ZBTB20: variants seen among roughly 807,000 people sequenced by gnomAD.
ZBTB20 encodes zinc finger and BTB domain containing 20, also known as zinc finger and BTB domain-containing protein 20.
In ZBTB20, 9 loss-of-function variants were observed where a neutral mutation model predicts 56.9. The observed-to-expected ratio is 0.16, with a 90% confidence interval of 0.10 to 0.28. The LOEUF (loss-of-function observed/expected upper bound fraction) is 0.28, where lower values mean the gene tolerates loss of function less well. Ranked by LOEUF, ZBTB20 falls within the 10% of genes least tolerant of loss-of-function variation. ZBTB20 has a pLI of 1.00. For synonymous variants in ZBTB20, 417 were observed against 420.7 expected, an observed-to-expected ratio of 0.99 and a Z score of 0.11; for missense variants, 655 against 1,003.0, an observed-to-expected ratio of 0.65 and a Z score of 4.69.
intron 6 of ZBTB20, among the ~76,000 whole-genome samples, chr3:114,611,430 A>C (rs1014983313): frequency 6.6e-6 from 1 of 152,150 alleles, no homozygotes; most frequent in Admixed American, 6.5e-5. Context: ...GTCAAACATC[A>C]AGAGTAATTT....
chr3:114,681,319 C>T (rs1231230199), intron 6 of ZBTB20, among the ~76,000 whole-genome samples: 1 of 152,132 alleles, frequency 6.6e-6, no homozygotes, highest in Non-Finnish European at 1.5e-5. Context: ...TGCCACCACG[C>T]CCGGTTAATT....
At position 114,717,725 on chromosome 3, in the gene ZBTB20, A is replaced by G. The variant is rs2064589778; in HGVS notation, c.-342-24150T>C. Among the ~76,000 whole-genome samples the G allele has an allele frequency of 2.0e-5, 3 of 152,020 alleles. No individual in the cohort carries two copies. The South Asian group carries it at 6.2e-4, about 32-fold the overall frequency. Reference sequence around the variant, plus strand: ...AGTTATTACCGTATCTTCACTTTCTATTCTTTTCTTAATCTATTCCAATCA... The same window carrying G: ...AGTTATTACCGTATCTTCACTTTCTGTTCTTTTCTTAATCTATTCCAATCA... On this transcript the variant is annotated intron_variant, in intron 5 of 11. Transcript: ENST00000675478.
At chr3:114,852,795 T>A (rs534984936) in intron 4 of ZBTB20, among the ~76,000 whole-genome samples, 37 of 152,316 alleles carry the variant, frequency 2.4e-4, no homozygotes, top group Admixed American at 5.2e-4. Flanking sequence ...GTTAATTCTA[T>A]CAGCTGTTTG....
chr3:114,338,646 T>G lies in ZBTB20; in HGVS notation c.*359A>C, dbSNP rs541680396. 5.5e-4 allele frequency: 94 copies of G among 171,062 alleles called. No individual in the cohort carries two copies. The highest frequency in any genetic ancestry group is 1.9e-3 in the African/African-American group (82 of 42,266). 10.6% of individuals were successfully genotyped at this position (171,062 alleles called of 1,614,324 possible). Reference sequence around the variant, plus strand: ...TATTTTTTGTAGTGCTCTTCACAAGTGGAAATTTTTTTTTTTTTTTTACTT... The same window carrying G: ...TATTTTTTGTAGTGCTCTTCACAAGGGGAAATTTTTTTTTTTTTTTTACTT... On this transcript the variant is annotated 3_prime_UTR_variant, in exon 12 of 12. Coordinates refer to ENST00000675478, the MANE Select transcript of ZBTB20 (RefSeq NM_001348800.3).
chr3:114,718,062 T>C (rs1560165368), intron 5 of ZBTB20, among the ~76,000 whole-genome samples: 1 of 152,142 alleles, frequency 6.6e-6, no homozygotes, highest in African/African-American at 2.4e-5. Context: ...GGTCTGATTT[T>C]ATGACTTTGA....
intron 7 of ZBTB20, among the ~76,000 whole-genome samples, chr3:114,463,451 T>C (rs2092414606): frequency 6.6e-6 from 1 of 152,194 alleles, no homozygotes; most frequent in African/African-American, 2.4e-5. Context: ...TCTATTTTGA[T>C]CATGATTAGT....
At chr3:114,449,703 G>C (rs889981646) in intron 7 of ZBTB20, among the ~76,000 whole-genome samples, 2 of 120,654 alleles carry the variant, frequency 1.7e-5, no homozygotes, top group Admixed American at 7.9e-5. Context: ...AAAAAAAAAA[G>C]GTTGCACAAA....
At chr3:114,858,475 C>T (rs1212720166) in intron 4 of ZBTB20, among the ~76,000 whole-genome samples, 1 of 151,950 alleles carries the variant, frequency 6.6e-6, no homozygotes, top group Non-Finnish European at 1.5e-5. Flanking sequence ...TTTCTCTTTA[C>T]ATAGTGCAAT....
chr3:114,438,436 C>CAAAAAAAAACAA (rs2090681751), intron 7 of ZBTB20, among the ~76,000 whole-genome samples: 2 of 140,734 alleles, frequency 1.4e-5, no homozygotes, highest in Non-Finnish European at 3.1e-5. Flanking sequence ...CAAAAAAAAC[C>CAAAAAAAAACAA]AAAAAAAAAC....
At chr3:114,705,389 C>T (rs952369037) in intron 5 of ZBTB20, among the ~76,000 whole-genome samples, 1 of 152,146 alleles carries the variant, frequency 6.6e-6, no homozygotes, top group Non-Finnish European at 1.5e-5. Context: ...CCCAAAATTA[C>T]TCCAATGATA....
At chr3:114,534,357 G>T (rs1025427195) in intron 6 of ZBTB20, among the ~76,000 whole-genome samples, 2 of 152,120 alleles carry the variant, frequency 1.3e-5, no homozygotes, top group South Asian at 2.1e-4. Context: ...TGATAAAACA[G>T]ATTTTAAACC....
intron 1 of ZBTB20, among the ~76,000 whole-genome samples, chr3:115,145,412 C>A (rs2084933839): frequency 1.3e-5 from 2 of 152,196 alleles, no homozygotes; most frequent in Admixed American, 6.5e-5. Context: ...ATGCTCAAGT[C>A]CCTTACATAA....
intron 5 of ZBTB20, among the ~76,000 whole-genome samples, chr3:114,769,796 G>A (rs1280299793): frequency 6.6e-6 from 1 of 151,896 alleles, no homozygotes; most frequent in Admixed American, 6.6e-5. Flanking sequence ...TGGTGGCTCA[G>A]ACCTGTAATC....
chr3:114,754,178 T>C (rs1284982377), intron 5 of ZBTB20, among the ~76,000 whole-genome samples: 1 of 152,182 alleles, frequency 6.6e-6, no homozygotes, highest in Non-Finnish European at 1.5e-5. Context: ...GGGAGGCCAC[T>C]GCCATTTAGG....
At chr3:114,803,777 CTGTT>C (rs745684658) in intron 4 of ZBTB20, among the ~76,000 whole-genome samples, 3 of 41,532 alleles carry the variant, frequency 7.2e-5, no homozygotes, top group South Asian at 3.0e-3. Flanking sequence ...TTTCAACTTT[CTGTT>C]TTTTTTTTTT....
intron 10 of ZBTB20, among the ~76,000 whole-genome samples, chr3:114,356,736 ACCCCCTG>A (rs1490689983): frequency 1.3e-5 from 2 of 152,008 alleles, no homozygotes; most frequent in African/African-American, 4.8e-5. Context: ...TATTCTCCAA[ACCCCCTG>A]CCTGGGGTAA....
intron 7 of ZBTB20, among the ~76,000 whole-genome samples, chr3:114,467,010 GA>G (rs2092581804): frequency 6.6e-6 from 1 of 152,168 alleles, no homozygotes; most frequent in Non-Finnish European, 1.5e-5. Flanking sequence ...TGGAATGTGG[GA>G]AAATTCCAAC....
At chr3:114,630,767 A>G (rs1158088935) in intron 6 of ZBTB20, among the ~76,000 whole-genome samples, 1 of 152,218 alleles carries the variant, frequency 6.6e-6, no homozygotes, top group Non-Finnish European at 1.5e-5. Context: ...AAAAATATTT[A>G]AAGAATCCAG....
chr3:114,969,453 G>A lies in ZBTB20; in HGVS notation c.-456+4913C>T, dbSNP rs2077781766. On this transcript the variant is annotated intron_variant, in intron 3 of 11. Transcript: ENST00000675478. ...TACAATAAAATAAATTAAAACAGAT[G>A]AAAAATGAAAGGGATACAAAATATA... 5.3e-5 allele frequency among the ~76,000 whole-genome samples: 8 copies of A among 152,156 alleles called. No individual in the cohort carries two copies. The South Asian group carries it at 1.5e-3, about 28-fold the overall frequency.
Sources: allele counts gnomAD v4.1 joint callset (sites outside exome capture counted in the v4.1 genomes callset), GRCh38; gene constraint gnomAD v4.1.1; transcripts MANE v1.5; gene names NCBI Gene and HGNC (gene_info 2026-07-23, HGNC 2026-07-21).